Variants in UBE2G1 observed in about 807,000 individuals in gnomAD.
UBE2G1 encodes ubiquitin-conjugating enzyme E2 G1.
In UBE2G1, 5 loss-of-function variants were observed where a neutral mutation model predicts 22.7. The observed-to-expected ratio is 0.22, with a 90% CI of 0.12 to 0.46. UBE2G1 has a LOEUF of 0.46. Among genes scored for constraint, UBE2G1 ranks in the 20% least tolerant of loss-of-function variants. UBE2G1 has a pLI of 0.99. For missense variants in UBE2G1, 88 were observed against 203.9 expected, an observed-to-expected ratio of 0.43 and a Z score of 3.46; for synonymous variants, 74 against 67.5, an observed-to-expected ratio of 1.10 and a Z score of -0.47.
chr17:4,364,491 T>A (rs1970008969), intron 1 of UBE2G1: 1 of 149,672 alleles, frequency 6.7e-6, no homozygotes, highest in African/African-American at 2.5e-5. Flanking sequence ...GGTTTCCCCG[T>A]GTTAGCCAGG....
At chr17:4,289,432 G>A (rs1247394123) in intron 3 of UBE2G1, 24 bp from the exon 4 acceptor site, 1 of 1,473,268 alleles carries the variant, frequency 6.8e-7, no homozygotes, top group African/African-American at 1.4e-5. Flanking sequence ...GAAGAGGCTT[G>A]TTTCATATAT....
intron 1 of UBE2G1, among the ~76,000 whole-genome samples, chr17:4,338,172 A>G (rs957799645): frequency 6.6e-6 from 1 of 151,942 alleles, no homozygotes; most frequent in Non-Finnish European, 1.5e-5. Flanking sequence ...TCCATCTCAA[A>G]AAAAAAAAAA....
At chr17:4,334,641 C>A (rs1047878929) in intron 1 of UBE2G1, among the ~76,000 whole-genome samples, 1 of 152,058 alleles carries the variant, frequency 6.6e-6, no homozygotes, top group Non-Finnish European at 1.5e-5. Flanking sequence ...CCAGTTCAAA[C>A]GGATTCTCCT....
At chr17:4,321,588 G>A (rs919318032) in intron 1 of UBE2G1, among the ~76,000 whole-genome samples, 1 of 152,128 alleles carries the variant, frequency 6.6e-6, no homozygotes, top group Non-Finnish European at 1.5e-5. Context: ...CGCCTCCTGG[G>A]CTCAAGCAAT....
intron 1 of UBE2G1, among the ~76,000 whole-genome samples, chr17:4,359,908 T>C (rs1969948697): frequency 2.7e-5 from 4 of 147,350 alleles, no homozygotes; most frequent in Admixed American, 2.7e-4. Flanking sequence ...ATTAGCCCAA[T>C]ACTATCTTGC....
intron 1 of UBE2G1, among the ~76,000 whole-genome samples, chr17:4,328,613 G>C (rs985392965): frequency 2.0e-5 from 3 of 152,122 alleles, no homozygotes; most frequent in African/African-American, 7.2e-5. Flanking sequence ...CCATTTACAA[G>C]TTTATCTGTG....
At chr17:4,350,330 G>A (rs1597265295) in intron 1 of UBE2G1, among the ~76,000 whole-genome samples, 1 of 151,950 alleles carries the variant, frequency 6.6e-6, no homozygotes, top group Non-Finnish European at 1.5e-5. Context: ...GCATGGTGGT[G>A]CGCCTGTAAT....
At chr17:4,280,099 G>A (rs1468333532) in intron 5 of UBE2G1, among the ~76,000 whole-genome samples, 2 of 149,810 alleles carry the variant, frequency 1.3e-5, no homozygotes, top group Admixed American at 6.7e-5. Flanking sequence ...GCAGTGGCGT[G>A]ATCTCGGCTC....
intron 2 of UBE2G1, chr17:4,301,379 G>C (rs1231070765): frequency 3.5e-6 from 2 of 565,270 alleles, no homozygotes; most frequent in Non-Finnish European, 6.7e-6. Flanking sequence ...CATGGGTGCT[G>C]CTGGCCCTTC....
chr17:4,320,277 C>T (rs1173302021), intron 1 of UBE2G1, among the ~76,000 whole-genome samples: 1 of 152,056 alleles, frequency 6.6e-6, no homozygotes, highest in Non-Finnish European at 1.5e-5. Flanking sequence ...TCATCCTGGA[C>T]ATCAGGAAGT....
At chr17:4,356,580 G>A (rs1192775131) in intron 1 of UBE2G1, among the ~76,000 whole-genome samples, 1 of 151,866 alleles carries the variant, frequency 6.6e-6, no homozygotes, top group Non-Finnish European at 1.5e-5. Flanking sequence ...TTAAAATTAG[G>A]ATGGTAGCTG....
intron 1 of UBE2G1, among the ~76,000 whole-genome samples, chr17:4,348,259 A>G (rs967149643): frequency 2.0e-5 from 3 of 152,088 alleles, no homozygotes; most frequent in Non-Finnish European, 4.4e-5. Context: ...CCCTGTCTGT[A>G]AAGAAAAAAA....
intron 1 of UBE2G1, among the ~76,000 whole-genome samples, chr17:4,312,129 C>T (rs1567520953): frequency 6.6e-6 from 1 of 151,078 alleles, no homozygotes; most frequent in African/African-American, 2.4e-5. Context: ...GCCTGTAGTC[C>T]CAGCTACTTG....
chr17:4,319,925 T>C lies in UBE2G1; in HGVS notation c.47-12802A>G, dbSNP rs147198444. ...AGTGTAGTTACCAACCCCATGTAAA[T>C]GCATAAATAAAACCAAACCACCATG... On this transcript the variant is annotated intron_variant, in intron 1 of 5. Coordinates refer to ENST00000396981, the MANE Select transcript of UBE2G1 (RefSeq NM_003342.5). 3.4e-3 allele frequency among the ~76,000 whole-genome samples: 515 copies of C among 152,180 alleles called. 1 individual carries two copies. The highest frequency in any genetic ancestry group is 0.012 in the African/African-American group (505 of 41,536).
chr17:4,348,262 G>A (rs535630550), intron 1 of UBE2G1, among the ~76,000 whole-genome samples: 1 of 151,938 alleles, frequency 6.6e-6, no homozygotes, highest in African/African-American at 2.4e-5. Context: ...TGTCTGTAAA[G>A]AAAAAAATAG....
chr17:4,341,953 C>A (rs1177982621), intron 1 of UBE2G1, among the ~76,000 whole-genome samples: 2 of 152,204 alleles, frequency 1.3e-5, no homozygotes, highest in Non-Finnish European at 1.5e-5. Context: ...ACTTATCTGG[C>A]TTCTTAATGC....
intron 1 of UBE2G1, among the ~76,000 whole-genome samples, chr17:4,315,205 G>A (rs1392646242): frequency 1.3e-5 from 2 of 152,124 alleles, no homozygotes; most frequent in East Asian, 3.8e-4. Flanking sequence ...TCAGGGGCTG[G>A]GGGAGTACAT....
intron 3 of UBE2G1, among the ~76,000 whole-genome samples, chr17:4,292,219 G>C (rs913644981): frequency 2.0e-5 from 3 of 151,236 alleles, no homozygotes; most frequent in East Asian, 2.0e-4. Flanking sequence ...CCAGCTACTC[G>C]GGAGGCTGAG....
intron 1 of UBE2G1, among the ~76,000 whole-genome samples, chr17:4,314,718 A>T (rs1457675899): frequency 6.6e-6 from 1 of 152,202 alleles, no homozygotes; most frequent in Non-Finnish European, 1.5e-5. Flanking sequence ...TCTCCTGAAA[A>T]ATGAACAAAC....
Sources: gnomAD v4.1 joint callset for allele counts (sites outside exome capture counted in the v4.1 genomes callset) on GRCh38, gnomAD v4.1.1 for gene constraint, MANE v1.5 for transcripts, NCBI Gene and HGNC (gene_info 2026-07-23, HGNC 2026-07-21) for gene names.